The following RNFT2 variants were observed in gnomAD, a reference collection of about 807,000 sequenced individuals.
RNFT2 encodes ring finger protein, transmembrane 2.
A neutral mutation model predicts 53.0 loss-of-function variants in RNFT2; 36 were observed. That is an observed-to-expected ratio of 0.68 (90% CI 0.52 to 0.90). The LOEUF (loss-of-function observed/expected upper bound fraction) is 0.90, where lower values mean the gene tolerates loss of function less well. Ranked by LOEUF, RNFT2 falls within the 40% of genes least tolerant of loss-of-function variation. RNFT2 has a pLI of 0.00. For synonymous variants in RNFT2, 260 were observed against 253.2 expected (o/e 1.03, Z -0.26); for missense variants, 514 against 585.6 (o/e 0.88, Z 1.26).
Position 116,791,972 on chromosome 12 carries a change from A to G in RNFT2, c.882+12624A>G, listed in dbSNP as rs184665199. Among the ~76,000 whole-genome samples, 584 of 152,314 alleles carry G rather than the reference A, an allele frequency of 3.8e-3. 3 individuals carry two copies. The highest frequency in any genetic ancestry group is 0.014 in the African/African-American group (565 of 41,570). Reference sequence around the variant, plus strand: ...GCTATGTGGAGATTTGAACTCAGGCAGTCCTCCTGCTCCAGAACTGCTACC... The same window carrying G: ...GCTATGTGGAGATTTGAACTCAGGCGGTCCTCCTGCTCCAGAACTGCTACC... On this transcript the variant is annotated intron_variant, in intron 7 of 10. Transcript: ENST00000257575.
In RNFT2 at chr12:116,852,537, A is replaced by G; in HGVS notation, c.*3089A>G. ...AAGTGGGAAGGGGAAGCAGAGGGAA[A>G]TGGGGCCATGTGAATGCAGCTGCTC... On this transcript the variant is annotated 3_prime_UTR_variant, in exon 11 of 11. Transcript: ENST00000257575. 1.9e-6 allele frequency: 3 copies of G among 1,580,572 alleles called. No homozygotes were observed. The highest frequency in any genetic ancestry group is 2.6e-6 in the Non-Finnish European group (3 of 1,162,606).
intron 4 of RNFT2, among the ~76,000 whole-genome samples, chr12:116,750,887 A>T (rs1378760458): frequency 3.8e-4 from 1 of 2,656 alleles, no homozygotes; most frequent in Non-Finnish European, 2.3e-3. Context: ...TATATTATAT[A>T]TATAATATAT....
intron 7 of RNFT2, among the ~76,000 whole-genome samples, chr12:116,781,795 G>A (rs936262782): frequency 2.0e-5 from 3 of 151,944 alleles, no homozygotes; most frequent in Non-Finnish European, 4.4e-5. Flanking sequence ...TGTGGACATC[G>A]GCTGGGCACG....
intron 7 of RNFT2, among the ~76,000 whole-genome samples, chr12:116,784,404 A>G (rs921618226): frequency 1.3e-5 from 2 of 152,182 alleles, no homozygotes; most frequent in African/African-American, 4.8e-5. Flanking sequence ...CAGCTGGCCA[A>G]TGAATGGGCT....
Position 116,806,379 on chromosome 12 carries a change from A to AT in RNFT2, c.882+27031_882+27032insT, listed in dbSNP as rs1210982959. ...AGTGAGACTGTCTCAAAAAAAAAAA[A>AT]AAATATATATATATATATATAGATA... On this transcript the variant is annotated intron_variant, in intron 7 of 10. Coordinates refer to ENST00000257575, the MANE Select transcript of RNFT2 (RefSeq NM_001382266.1). Among the ~76,000 whole-genome samples, 1,087 of 129,826 alleles carry AT rather than the reference A, an allele frequency of 8.4e-3. 16 individuals are homozygous for AT. Among genetic ancestry groups the AT allele is most frequent in the South Asian group, 0.038 (160 of 4,240 alleles). The allele number at this position is 129,826 out of a possible 152,430, so 85.2% of individuals were successfully genotyped here.
chr12:116,847,760 C>T (rs563876939), intron 10 of RNFT2, among the ~76,000 whole-genome samples: 2 of 152,070 alleles, frequency 1.3e-5, no homozygotes, highest in African/African-American at 2.4e-5. Context: ...CTCCTGACCT[C>T]GGGTGATCCG....
intron 10 of RNFT2, among the ~76,000 whole-genome samples, chr12:116,843,576 C>T (rs1254955501): frequency 5.3e-5 from 8 of 151,270 alleles, no homozygotes; most frequent in Non-Finnish European, 1.2e-4. Context: ...CACTGCCCAT[C>T]AATCCACCCG....
intron 7 of RNFT2, among the ~76,000 whole-genome samples, chr12:116,832,130 CAAAAAAAA>C (rs138431200): frequency 2.1e-5 from 2 of 95,324 alleles, no homozygotes; most frequent in African/African-American, 8.9e-5. Flanking sequence ...GACCTTGTCT[CAAAAAAAA>C]AAAAAAAAAA....
intron 7 of RNFT2, among the ~76,000 whole-genome samples, chr12:116,818,010 A>G (rs1284158024): frequency 6.6e-6 from 1 of 152,214 alleles, no homozygotes; most frequent in Non-Finnish European, 1.5e-5. Flanking sequence ...AAAACAATTC[A>G]TGGAGAATTC....
intron 7 of RNFT2, among the ~76,000 whole-genome samples, chr12:116,832,146 A>ATATATAT (rs59112507): frequency 0.017 from 1,234 of 70,710 alleles, 9 homozygotes; most frequent in Admixed American, 0.041. Context: ...AAAAAAAAAA[A>ATATATAT]AAATATATAT....
At chr12:116,807,738 C>T (rs1490643676) in intron 7 of RNFT2, among the ~76,000 whole-genome samples, 2 of 152,074 alleles carry the variant, frequency 1.3e-5, no homozygotes, top group Admixed American at 1.3e-4. Flanking sequence ...TCCTTACATC[C>T]TCTTCCCTCA....
chr12:116,794,702 G>GGAATGGA lies in RNFT2; in HGVS notation c.882+15354_882+15355insGAATGGA, dbSNP rs1874422991. Among the ~76,000 whole-genome samples the GGAATGGA allele has an allele frequency of 1.4e-5, 2 of 138,570 alleles. 1 individual carries two copies. 90.9% of individuals were successfully genotyped at this position (138,570 alleles called of 152,430 possible). On this transcript the variant is annotated intron_variant, in intron 7 of 10. Transcript: ENST00000257575. Reference sequence around the variant, plus strand: ...AGGGAGGGAGGGAGGGAAGGGAAGGGAGGAAAGAAAGAAAGAAATGAATTA... The same window carrying GGAATGGA: ...AGGGAGGGAGGGAGGGAAGGGAAGGGGAATGGAAGGAAAGAAAGAAAGAAATGAATTA...
At chr12:116,756,344 G>A (rs530081553) in intron 5 of RNFT2, among the ~76,000 whole-genome samples, 2 of 151,640 alleles carry the variant, frequency 1.3e-5, no homozygotes, top group Admixed American at 6.6e-5. Flanking sequence ...TGCAGCTATT[G>A]TAAAAGGGGT....
At chr12:116,814,010 T>A (rs1296045289) in intron 7 of RNFT2, among the ~76,000 whole-genome samples, 3 of 152,240 alleles carry the variant, frequency 2.0e-5, no homozygotes, top group Non-Finnish European at 2.9e-5. Flanking sequence ...TAGGCTCGAT[T>A]TATCAATTAG....
At chr12:116,744,322 C>A (rs895679071) in intron 3 of RNFT2, among the ~76,000 whole-genome samples, 2 of 152,020 alleles carry the variant, frequency 1.3e-5, no homozygotes, top group Non-Finnish European at 2.9e-5. Context: ...CTGTTGGAAC[C>A]TTTTCCGCCT....
intron 10 of RNFT2, among the ~76,000 whole-genome samples, chr12:116,848,542 C>G (rs1235468801): frequency 6.6e-6 from 1 of 152,152 alleles, no homozygotes; most frequent in African/African-American, 2.4e-5. Context: ...TCCATCACTT[C>G]TGTGACCTCA....
intron 7 of RNFT2, among the ~76,000 whole-genome samples, chr12:116,812,868 G>A (rs182634024): frequency 1.3e-5 from 2 of 152,088 alleles, no homozygotes; most frequent in Admixed American, 6.5e-5. Flanking sequence ...GGAAACCATC[G>A]TTCCAAGAGT....
intron 3 of RNFT2, among the ~76,000 whole-genome samples, chr12:116,746,909 C>T (rs918315508): frequency 1.1e-4 from 16 of 152,088 alleles, no homozygotes; most frequent in Admixed American, 1.0e-3. Flanking sequence ...CAAGACCCCA[C>T]GGATATGATA....
At chr12:116,838,389 A>G (rs947156476) in intron 10 of RNFT2, among the ~76,000 whole-genome samples, 9 of 152,196 alleles carry the variant, frequency 5.9e-5, no homozygotes, top group African/African-American at 1.7e-4. Flanking sequence ...TCACACACAC[A>G]TGAGCTCTTG....
Sources: allele counts gnomAD v4.1 joint callset (sites outside exome capture counted in the v4.1 genomes callset), GRCh38; gene constraint gnomAD v4.1.1; transcripts MANE v1.5; gene names NCBI Gene and HGNC (gene_info 2026-07-23, HGNC 2026-07-21).